The following MLLT3 variants were observed in gnomAD, a reference collection of about 807,000 sequenced individuals.
MLLT3 encodes the protein MLLT3 super elongation complex subunit.
In MLLT3, 4 loss-of-function variants were observed where a neutral mutation model predicts 53.2. The observed-to-expected ratio is 0.08, with a 90% CI of 0.04 to 0.17. The LOEUF (loss-of-function observed/expected upper bound fraction) is 0.17. Among genes scored for constraint, MLLT3 ranks in the 10% least tolerant of loss-of-function variants. The pLI is 1.00. For synonymous variants in MLLT3, 283 were observed against 230.6 expected, an observed-to-expected ratio of 1.23 and a Z score of -2.06; for missense variants, 569 against 684.0, an observed-to-expected ratio of 0.83 and a Z score of 1.87.
chr9:20,574,892 C>T (rs547594066), intron 2 of MLLT3, among the ~76,000 whole-genome samples: 10 of 152,316 alleles, frequency 6.6e-5, no homozygotes, highest in South Asian at 4.1e-4. Flanking sequence ...CAAACCCTGC[C>T]GTCACTTGAT....
intron 2 of MLLT3, among the ~76,000 whole-genome samples, chr9:20,611,294 T>G (rs1381579119): frequency 6.6e-6 from 1 of 152,094 alleles, no homozygotes; most frequent in Non-Finnish European, 1.5e-5. Flanking sequence ...AAAGGCATCA[T>G]TCAGACAAAA....
chr9:20,592,758 C>G (rs1820160693), intron 2 of MLLT3, among the ~76,000 whole-genome samples: 2 of 152,308 alleles, frequency 1.3e-5, no homozygotes. Flanking sequence ...ACACTCAGGT[C>G]TAACCAGATC....
chr9:20,463,898 A>G (rs1381341106), intron 2 of MLLT3, among the ~76,000 whole-genome samples: 2 of 152,160 alleles, frequency 1.3e-5, no homozygotes, highest in Admixed American at 6.5e-5. Context: ...GAAAGTAACT[A>G]AGAACTGTTC....
chr9:20,551,470 T>C (rs943428082), intron 2 of MLLT3, among the ~76,000 whole-genome samples: 1 of 152,220 alleles, frequency 6.6e-6, no homozygotes, highest in African/African-American at 2.4e-5. Flanking sequence ...TCCAGAAGCA[T>C]ATCTTCTAAT....
chr9:20,477,358 G>C (rs1292907080), intron 2 of MLLT3, among the ~76,000 whole-genome samples: 3 of 152,098 alleles, frequency 2.0e-5, no homozygotes, highest in African/African-American at 7.2e-5. Flanking sequence ...GTATTTTAGA[G>C]AGAGGAGTGA....
At chr9:20,433,087 G>A (rs944079361) in intron 4 of MLLT3, among the ~76,000 whole-genome samples, 4 of 151,746 alleles carry the variant, frequency 2.6e-5, no homozygotes, top group African/African-American at 7.3e-5. Flanking sequence ...CTCTTATGTC[G>A]GGCCAAGCAA....
At chr9:20,591,565 A>C (rs1820130169) in intron 2 of MLLT3, among the ~76,000 whole-genome samples, 1 of 152,206 alleles carries the variant, frequency 6.6e-6, no homozygotes, top group Non-Finnish European at 1.5e-5. Context: ...GGAATTCCAG[A>C]CTGAGGGGAA....
chr9:20,501,757 CAAAAAAAAAAA>C (rs936828819), intron 2 of MLLT3, among the ~76,000 whole-genome samples: 45 of 18,592 alleles, frequency 2.4e-3, no homozygotes, highest in African/African-American at 5.9e-3. Flanking sequence ...GACTCCGTCT[CAAAAAAAAAAA>C]AAAAAAAAAA....
At chr9:20,593,350 T>G (rs1820174495) in intron 2 of MLLT3, among the ~76,000 whole-genome samples, 1 of 152,150 alleles carries the variant, frequency 6.6e-6, no homozygotes, top group Non-Finnish European at 1.5e-5. Context: ...GTACACAAAC[T>G]TATAGATATT....
intron 4 of MLLT3, among the ~76,000 whole-genome samples, chr9:20,420,364 T>C (rs937151243): frequency 6.6e-6 from 1 of 152,150 alleles, no homozygotes; most frequent in African/African-American, 2.4e-5. Flanking sequence ...AAGAAATACT[T>C]TAAATCAATT....
chr9:20,606,472 T>C (rs911567272), intron 2 of MLLT3, among the ~76,000 whole-genome samples: 1 of 152,102 alleles, frequency 6.6e-6, no homozygotes, highest in African/African-American at 2.4e-5. Context: ...AAGTGCTCAA[T>C]TTCAGAGAGA....
intron 2 of MLLT3, among the ~76,000 whole-genome samples, chr9:20,475,940 T>TA (rs1344915858): frequency 6.6e-6 from 1 of 152,166 alleles, no homozygotes; most frequent in Non-Finnish European, 1.5e-5. Flanking sequence ...GTTTCACTGA[T>TA]ACATGTTTTT....
intron 5 of MLLT3, among the ~76,000 whole-genome samples, chr9:20,380,822 C>A (rs1397832192): frequency 6.6e-6 from 1 of 151,944 alleles, no homozygotes; most frequent in Non-Finnish European, 1.5e-5. Flanking sequence ...TAGCTGGCTG[C>A]TGGAAACTTG....
chr9:20,355,403 G>A (rs931711877), intron 8 of MLLT3, among the ~76,000 whole-genome samples: 9 of 152,286 alleles, frequency 5.9e-5, no homozygotes, highest in African/African-American at 1.9e-4. Context: ...GAAGATGGCC[G>A]ACTATCTTCT....
chr9:20,534,277 G>C (rs957179706), intron 2 of MLLT3, among the ~76,000 whole-genome samples: 4 of 152,184 alleles, frequency 2.6e-5, no homozygotes, highest in Admixed American at 1.3e-4. Flanking sequence ...CAAATGAACA[G>C]CAATGGCAAC....
At chr9:20,477,149 A>C (rs1216329281) in intron 2 of MLLT3, among the ~76,000 whole-genome samples, 1 of 151,864 alleles carries the variant, frequency 6.6e-6, no homozygotes, top group East Asian at 1.9e-4. Context: ...TTGGACTTAG[A>C]CCCTATTTGT....
In MLLT3 at chr9:20,490,165, C is replaced by T. The variant is rs150991892; in HGVS notation, c.194-33379G>A. On this transcript the variant is annotated intron_variant, in intron 2 of 10. Coordinates refer to ENST00000380338, the MANE Select transcript of MLLT3 (RefSeq NM_004529.4). ...ACAGGCAGAATTCTAAAGCTGCCCC[C>T]CAAAGATTCCTGTCCTCTGGCTATT... 8.1e-4 allele frequency among the ~76,000 whole-genome samples: 124 copies of T among 152,296 alleles called. 1 individual carries two copies. The highest frequency in any genetic ancestry group is 6.8e-3 in the Middle Eastern group (2 of 292).
intron 4 of MLLT3, among the ~76,000 whole-genome samples, chr9:20,424,587 A>C (rs1337151253): frequency 6.6e-6 from 1 of 152,210 alleles, no homozygotes; most frequent in East Asian, 1.9e-4. Flanking sequence ...AAGAGAGAGA[A>C]TTTGAAATAT....
rs769556743 is a variant in MLLT3 at position 20,622,262 on chromosome 9, G to A, written c.-6C>T. 1.9e-6 allele frequency: 3 copies of A among 1,596,114 alleles called. No homozygotes were observed. In the South Asian group the frequency reaches 3.4e-5, roughly 18 times the overall value. On this transcript the variant is annotated 5_prime_UTR_variant, in exon 1 of 11. Coordinates refer to ENST00000380338, the MANE Select transcript of MLLT3 (RefSeq NM_004529.4). ...GTACTTACCGAGCTAGCCATGCCTGGGGGCCCGGAGGTTTGCTGGGGTGTT... is the reference window on the plus strand; with the variant it reads ...GTACTTACCGAGCTAGCCATGCCTGAGGGCCCGGAGGTTTGCTGGGGTGTT...
Sources: allele counts gnomAD v4.1 joint callset (sites outside exome capture counted in the v4.1 genomes callset), GRCh38; gene constraint gnomAD v4.1.1; transcripts MANE v1.5; gene names NCBI Gene and HGNC (gene_info 2026-07-23, HGNC 2026-07-21).